FUT8: variants seen among roughly 807,000 people sequenced by gnomAD.
FUT8 encodes the protein fucosyltransferase 8.
In FUT8, 29 loss-of-function variants were observed where a neutral mutation model predicts 71.3. That is an observed-to-expected ratio of 0.41 (90% CI 0.30 to 0.55). The LOEUF is 0.55. Ranked by LOEUF, FUT8 falls within the 20% of genes least tolerant of loss-of-function variation. FUT8 has a pLI of 0.34. For synonymous variants in FUT8, 254 were observed against 239.3 expected (o/e 1.06, Z -0.57); for missense variants, 544 against 702.1 (o/e 0.77, Z 2.55).
At position 65,669,293 on chromosome 14, in the gene FUT8, A is replaced by G; in HGVS notation, c.648A>G (p.Lys216=). 1.2e-6 allele frequency: 2 copies of G among 1,613,902 alleles called. No homozygotes were observed. The highest frequency in any genetic ancestry group is 8.5e-7 in the Non-Finnish European group (1 of 1,179,894). The change falls in exon 7 of 11, where the codon AAA becomes AAG. Residue 216 remains lysine, a synonymous_variant. Transcript: ENST00000673929. This position sits in a 1 kb window ranked among gnomAD's most constrained non-coding sequence, Gnocchi z 4.5. ...KAKKLVCNIN[K]GCGYGCQLHH... ...AAAAGCTGGTGTGTAATATCAACAAAGGCTGTGGCTATGGCTGTCAGCTCC... is the reference window on the plus strand; with the variant it reads ...AAAAGCTGGTGTGTAATATCAACAAGGGCTGTGGCTATGGCTGTCAGCTCC...
At chr14:65,380,958 C>T in the FUT8 span, among the ~76,000 whole-genome samples, 2 of 152,352 alleles carry the variant, frequency 1.3e-5, no homozygotes, top group African/African-American at 4.8e-5. Context: ...TCAGGCAGTG[C>T]AGGATGGCTC....
At chr14:65,553,722 C>G (rs756264898) in intron 2 of FUT8, among the ~76,000 whole-genome samples, 1 of 151,452 alleles carries the variant, frequency 6.6e-6, no homozygotes, top group Non-Finnish European at 1.5e-5. Context: ...TTTTTCCCCC[C>G]TTGGTATTTT....
the FUT8 span, among the ~76,000 whole-genome samples, chr14:65,380,665 G>T: frequency 1.3e-5 from 2 of 152,098 alleles, no homozygotes; most frequent in Admixed American, 6.5e-5. Flanking sequence ...ATCCCTCTGG[G>T]GTCCTCCAAG....
At chr14:65,585,870 A>T (rs1887353503) in intron 3 of FUT8, among the ~76,000 whole-genome samples, 1 of 152,236 alleles carries the variant, frequency 6.6e-6, no homozygotes, top group African/African-American at 2.4e-5. Context: ...TTACTGAAAC[A>T]GTAAGCAAAG....
intron 6 of FUT8, among the ~76,000 whole-genome samples, chr14:65,635,785 C>T (rs1890517571): frequency 6.6e-6 from 1 of 152,106 alleles, no homozygotes; most frequent in South Asian, 2.1e-4. Flanking sequence ...AGATACTGGT[C>T]TGTAGTTTTC....
intron 6 of FUT8, among the ~76,000 whole-genome samples, chr14:65,666,828 G>A (rs1025827468): frequency 1.3e-5 from 2 of 152,160 alleles, no homozygotes; most frequent in African/African-American, 2.4e-5. Context: ...AATTCACCGC[G>A]ATCAAATAGG....
In FUT8 at chr14:65,605,375, C is replaced by G. The variant is rs143076003; in HGVS notation, c.204-10603C>G. Among the ~76,000 whole-genome samples, 118 of 151,974 alleles carry G rather than the reference C, an allele frequency of 7.8e-4. 1 individual carries two copies. Among genetic ancestry groups the G allele is most frequent in the African/African-American group, 2.4e-3 (98 of 41,502 alleles). On this transcript the variant is annotated intron_variant, in intron 3 of 10. Transcript: ENST00000673929. ...AGATTCATATGTTGAAGCCCTAAAC[C>G]CCAGTCCCTCAGATGTGATTGTATT... is the stretch of plus-strand genomic sequence containing the variant.
chr14:65,686,559 G>C (rs1258971662), intron 7 of FUT8, among the ~76,000 whole-genome samples: 1 of 152,164 alleles, frequency 6.6e-6, no homozygotes, highest in Admixed American at 6.5e-5. Context: ...AAAGTTGTTA[G>C]TTTTAAGAGT....
intron 3 of FUT8, among the ~76,000 whole-genome samples, chr14:65,584,526 T>A (rs1426786177): frequency 6.6e-6 from 1 of 152,176 alleles, no homozygotes; most frequent in East Asian, 1.9e-4. Context: ...TTTAAAAGAT[T>A]AAAGAAAGTG....
chr14:65,696,465 C>T (rs555913706), intron 7 of FUT8, among the ~76,000 whole-genome samples: 19 of 152,152 alleles, frequency 1.2e-4, no homozygotes, highest in African/African-American at 4.3e-4. Flanking sequence ...TCCAGCCCAG[C>T]GTTTTTCAAA....
At position 65,561,697 on chromosome 14, in the gene FUT8, A is replaced by C. The variant is rs1169283059; in HGVS notation, c.134A>C (p.Lys45Thr). 2 of 1,613,624 alleles carry C rather than the reference A, an allele frequency of 1.2e-6. No individual in the cohort carries two copies. Among genetic ancestry groups the C allele is most frequent in the Admixed American group, 3.3e-5 (2 of 59,958 alleles). Residue 45 changes from lysine to threonine, a missense_variant, in exon 3 of 11, where the codon AAG (lysine) becomes ACG (threonine). Transcript: ENST00000673929. ...HPDHSSRELSKILAKLERLKQ... is the reference protein window; with the variant it reads ...HPDHSSRELSTILAKLERLKQ... ...GATCACTCTAGCCGAGAACTGTCCA[A>C]GATTCTGGCAAAGCTTGAACGCTTA...
intron 5 of FUT8, among the ~76,000 whole-genome samples, chr14:65,622,315 GA>G (rs1889657496): frequency 6.6e-6 from 1 of 152,116 alleles, no homozygotes; most frequent in Non-Finnish European, 1.5e-5. Flanking sequence ...ATGATTACAT[GA>G]AGGAAAATAT....
intron 2 of FUT8, among the ~76,000 whole-genome samples, chr14:65,491,218 A>G (rs1305324683): frequency 3.3e-5 from 5 of 152,072 alleles, no homozygotes; most frequent in Non-Finnish European, 5.9e-5. Flanking sequence ...AGACTCAACA[A>G]CTCTTTAAAT....
intron 9 of FUT8, among the ~76,000 whole-genome samples, chr14:65,731,749 C>G (rs920145699): frequency 9.9e-5 from 15 of 152,152 alleles, no homozygotes; most frequent in Non-Finnish European, 2.2e-4. Context: ...CCTGCCTCAG[C>G]CTCCCAAAGT....
chr14:65,420,788 T>G (rs943133815), intron 1 of FUT8, among the ~76,000 whole-genome samples: 3 of 152,248 alleles, frequency 2.0e-5, no homozygotes, highest in African/African-American at 7.2e-5. Context: ...TAATTACTAA[T>G]AAACTACTGT....
At chr14:65,533,143 T>G (rs1253554951) in intron 2 of FUT8, among the ~76,000 whole-genome samples, 1 of 152,240 alleles carries the variant, frequency 6.6e-6, no homozygotes, top group Non-Finnish European at 1.5e-5. Flanking sequence ...TTGGGCTGTT[T>G]TTTGGTTTCA....
At chr14:65,424,808 T>C (rs958163877) in intron 1 of FUT8, among the ~76,000 whole-genome samples, 3 of 151,822 alleles carry the variant, frequency 2.0e-5, no homozygotes, top group Non-Finnish European at 1.5e-5. Flanking sequence ...TGCAGGTGCA[T>C]GCTACCATGC....
chr14:65,526,333 T>G (rs1315204560), intron 2 of FUT8, among the ~76,000 whole-genome samples: 1 of 152,198 alleles, frequency 6.6e-6, no homozygotes, highest in Non-Finnish European at 1.5e-5. Flanking sequence ...TCTTTGTGTC[T>G]TTTGATCTTT....
At position 65,653,066 on chromosome 14, in the gene FUT8, C is replaced by T. The variant is rs527475866; in HGVS notation, c.598-16177C>T. 7.8e-4 allele frequency among the ~76,000 whole-genome samples: 119 copies of T among 152,192 alleles called. No individual in the cohort carries two copies. In the Middle Eastern group the frequency reaches 0.01, roughly 13 times the overall value. Reference sequence around the variant, plus strand: ...GGAGGAATGTGTGTCCTTGATATAACCTAGCCTCAGAAGTCACATAGCATC... The same window carrying T: ...GGAGGAATGTGTGTCCTTGATATAATCTAGCCTCAGAAGTCACATAGCATC... On this transcript the variant is annotated intron_variant, in intron 6 of 10. Transcript: ENST00000673929.
Sources: allele counts gnomAD v4.1 joint callset (sites outside exome capture counted in the v4.1 genomes callset), GRCh38; gene constraint gnomAD v4.1.1; non-coding constraint Gnocchi (gnomAD v3.1); transcripts MANE v1.5; gene names NCBI Gene and HGNC (gene_info 2026-07-23, HGNC 2026-07-21).